The following UNC13C variants were observed in gnomAD, a reference collection of about 807,000 sequenced individuals.
The protein encoded by UNC13C is protein unc-13 homolog C.
UNC13C carries 174 observed loss-of-function variants against 245.4 expected under a neutral mutation model. That is an observed-to-expected ratio of 0.71 (90% CI 0.63 to 0.80). UNC13C has a LOEUF of 0.80. Ranked by LOEUF, UNC13C falls within the 30% of genes least tolerant of loss-of-function variation. UNC13C has a pLI of 0.00. For missense variants in UNC13C, 2,829 were observed against 2,602.9 expected, an observed-to-expected ratio of 1.09 and a Z score of -1.89; for synonymous variants, 992 against 895.1, an observed-to-expected ratio of 1.11 and a Z score of -1.93.
At chr15:54,016,504 A>G (rs1183077644) in intron 2 of UNC13C, among the ~76,000 whole-genome samples, 2 of 152,204 alleles carry the variant, frequency 1.3e-5, no homozygotes, top group African/African-American at 2.4e-5. Context: ...AGTGGTCACA[A>G]GCTATTCTTT....
chr15:54,210,029 A>T (rs2140746357), intron 4 of UNC13C, among the ~76,000 whole-genome samples: 1 of 151,988 alleles, frequency 6.6e-6, no homozygotes, highest in Admixed American at 6.6e-5. Context: ...AAATTATTTA[A>T]CTGCTGTGAA....
the UNC13C span, among the ~76,000 whole-genome samples, chr15:53,943,305 C>G: frequency 0.017 from 2,533 of 152,290 alleles, 107 homozygotes; most frequent in East Asian, 0.14. Flanking sequence ...ATCACATTCT[C>G]TTGTCACAAT....
chr15:53,844,634 A>G, the UNC13C span, among the ~76,000 whole-genome samples: 1 of 152,112 alleles, frequency 6.6e-6, no homozygotes, highest in South Asian at 2.1e-4. Flanking sequence ...TGAGAATGAC[A>G]TTTTTGGGTT....
intron 17 of UNC13C, among the ~76,000 whole-genome samples, chr15:54,372,100 T>C (rs11633145): frequency 0.13 from 20,521 of 152,058 alleles, 1,657 homozygotes; most frequent in Middle Eastern, 0.2. Flanking sequence ...TTAAGTGTTC[T>C]CAGCACAAAA....
At chr15:53,860,500 G>A in the UNC13C span, among the ~76,000 whole-genome samples, 1 of 152,076 alleles carries the variant, frequency 6.6e-6, no homozygotes, top group African/African-American at 2.4e-5. Context: ...TTGCCCCATA[G>A]GGTTTCTCAT....
intron 10 of UNC13C, among the ~76,000 whole-genome samples, 157 bp from the exon 11 acceptor site, chr15:54,293,738 T>C (rs1274533703): frequency 1.3e-5 from 2 of 152,084 alleles, no homozygotes; most frequent in African/African-American, 2.4e-5. Flanking sequence ...AGTTGCATTA[T>C]GTGCCTGCAA....
At chr15:54,555,107 C>T (rs1850895587) in intron 28 of UNC13C, among the ~76,000 whole-genome samples, 1 of 152,024 alleles carries the variant, frequency 6.6e-6, no homozygotes, top group Non-Finnish European at 1.5e-5. Context: ...ACGTGACAGA[C>T]ATAAACCAAG....
chr15:54,162,520 T>A (rs1595930290), intron 4 of UNC13C, among the ~76,000 whole-genome samples: 1 of 152,298 alleles, frequency 6.6e-6, no homozygotes, highest in East Asian at 1.9e-4. Context: ...AGTCTGATAT[T>A]TTGTCACTTT....
chr15:54,511,854 T>G, intron 24 of UNC13C, 24 bp downstream of exon 24: 1 of 1,558,852 alleles, frequency 6.4e-7, no homozygotes, highest in Non-Finnish European at 8.8e-7. Flanking sequence ...TCTCCTACAT[T>G]TGCTAAAAAC....
chr15:54,490,210 G>A (rs961777457), intron 19 of UNC13C, among the ~76,000 whole-genome samples: 2 of 152,146 alleles, frequency 1.3e-5, no homozygotes, highest in South Asian at 4.1e-4. Context: ...ATCATAGCAG[G>A]TACACTCTTA....
intron 19 of UNC13C, among the ~76,000 whole-genome samples, chr15:54,461,987 C>A (rs2414308): frequency 0.41 from 62,406 of 151,964 alleles, 13,110 homozygotes; most frequent in East Asian, 0.62. Context: ...GACCACAAAC[C>A]TTTTGAGTTT....
At chr15:53,873,587 C>T in the UNC13C span, among the ~76,000 whole-genome samples, 1 of 152,126 alleles carries the variant, frequency 6.6e-6, no homozygotes, top group Admixed American at 6.5e-5. Flanking sequence ...ATCTAGCAGT[C>T]TATATAAATA....
chr15:54,255,376 C>A (rs532136261), intron 8 of UNC13C, among the ~76,000 whole-genome samples: 3 of 152,080 alleles, frequency 2.0e-5, no homozygotes, highest in African/African-American at 4.8e-5. Context: ...GGAGTCAGGC[C>A]GCTTGGAGGC....
At chr15:54,492,578 G>C (rs969599564) in intron 19 of UNC13C, among the ~76,000 whole-genome samples, 1 of 152,084 alleles carries the variant, frequency 6.6e-6, no homozygotes, top group African/African-American at 2.4e-5. Flanking sequence ...CACCTGTTTT[G>C]ATTAATGGTA....
intron 20 of UNC13C, 40 bp downstream of exon 20, chr15:54,494,774 T>A (rs753084824): frequency 6.3e-7 from 1 of 1,595,616 alleles, no homozygotes; most frequent in Non-Finnish European, 8.5e-7. Context: ...CAGATCTAAA[T>A]TCACATTCCT....
intron 16 of UNC13C, among the ~76,000 whole-genome samples, chr15:54,336,217 A>G (rs1425850146): frequency 3.9e-5 from 6 of 152,070 alleles, no homozygotes. Context: ...ATGCTTTAAA[A>G]TGTGTATACA....
intron 28 of UNC13C, among the ~76,000 whole-genome samples, chr15:54,554,680 A>G (rs1897020868): frequency 6.6e-6 from 1 of 152,048 alleles, no homozygotes; most frequent in African/African-American, 2.4e-5. Context: ...GTTGTCGAAT[A>G]GAATAATGGC....
chr15:54,186,266 TCTC>T (rs2033980132), intron 4 of UNC13C, among the ~76,000 whole-genome samples: 1 of 152,148 alleles, frequency 6.6e-6, no homozygotes, highest in Admixed American at 6.5e-5. Context: ...CTTTATTTCT[TCTC>T]CTGCCTGATT....
At chr15:54,476,617 G>A (rs138792283) in intron 19 of UNC13C, among the ~76,000 whole-genome samples, 61,909 of 150,814 alleles carry the variant, frequency 0.41, 13,004 homozygotes, top group East Asian at 0.62. Flanking sequence ...TCAGATAGTT[G>A]TAGATATGCA....
Sources: gnomAD v4.1 joint callset for allele counts (sites outside exome capture counted in the v4.1 genomes callset) on GRCh38, gnomAD v4.1.1 for gene constraint, MANE v1.5 for transcripts, NCBI Gene and HGNC (gene_info 2026-07-23, HGNC 2026-07-21) for gene names.